GMEB1: variants seen among roughly 807,000 people sequenced by gnomAD.
GMEB1 encodes glucocorticoid modulatory element-binding protein 1.
GMEB1 carries 6 observed loss-of-function variants against 52.4 expected under a neutral mutation model. That is an observed-to-expected ratio of 0.11 (90% CI 0.06 to 0.23). The LOEUF (loss-of-function observed/expected upper bound fraction) is 0.23, where lower values mean the gene tolerates loss of function less well. GMEB1 is among the 10% of genes least tolerant of loss of function. GMEB1 has a pLI of 1.00. For synonymous variants in GMEB1, 255 were observed against 244.9 expected, an observed-to-expected ratio of 1.04 and a Z score of -0.38; for missense variants, 486 against 685.6, an observed-to-expected ratio of 0.71 and a Z score of 3.25.
chr1:28,683,787 C>G, intron 2 of GMEB1, 47 bp downstream of exon 2: 1 of 1,578,770 alleles, frequency 6.3e-7, no homozygotes, highest in Non-Finnish European at 8.7e-7. Context: ...TGGGAAGCTT[C>G]AAGGGTGGGG....
chr1:28,696,545 C>T (rs538071311), intron 5 of GMEB1, among the ~76,000 whole-genome samples: 1 of 152,108 alleles, frequency 6.6e-6, no homozygotes, highest in Non-Finnish European at 1.5e-5. Flanking sequence ...CATGGTTTTG[C>T]TCATGTCCTA....
chr1:28,706,977 GTTTT>G (rs1237383046), intron 8 of GMEB1, among the ~76,000 whole-genome samples: 2 of 82,770 alleles, frequency 2.4e-5, no homozygotes, highest in Admixed American at 3.0e-4. Context: ...TCCAGATTTG[GTTTT>G]TTTTTTTTTT....
At chr1:28,704,997 CA>C (rs1340412716) in intron 8 of GMEB1, among the ~76,000 whole-genome samples, 2 of 150,940 alleles carry the variant, frequency 1.3e-5, no homozygotes, top group Admixed American at 1.3e-4. Context: ...ATAGGAGAAT[CA>C]CTTGAGCCCA....
In GMEB1 at chr1:28,717,185, G is replaced by GTTTTTTTTT. The variant is rs71027293; in HGVS notation, c.*2420_*2428dup. 1.4e-5 allele frequency: 2 copies of GTTTTTTTTT among 139,210 alleles called. No homozygotes were observed. Among genetic ancestry groups the GTTTTTTTTT allele is most frequent in the Non-Finnish European group, 3.1e-5 (2 of 64,660 alleles). The allele number at this position is 139,210 out of a possible 1,614,324, so 8.6% of individuals were successfully genotyped here. ...AACCCTGTAACATGGTAAGGTTGCT[G>GTTTTTTTTT]TTTTTTTTTTTTTTTTCTTTTTGAG... On this transcript the variant is annotated 3_prime_UTR_variant, in exon 10 of 10. Coordinates refer to ENST00000373816, the MANE Select transcript of GMEB1 (RefSeq NM_001319674.2).
chr1:28,710,542 A>G lies in GMEB1; in HGVS notation c.891A>G (p.Val297=). The change falls in exon 9 of 10, where the codon GTA becomes GTG. Residue 297 remains valine (V), a synonymous_variant. Transcript: ENST00000373816. ...QVTDAAVLNN[V]AHTFGLMDTV... is the part of the protein sequence containing the mutation. ...TAGATGCTGCTGTTCTCAACAATGT[A>G]GCACACACATTTGGCCTAATGGACA... The G allele has an allele frequency of 6.2e-7, 1 of 1,610,028 alleles. No homozygotes were observed. Among genetic ancestry groups the G allele is most frequent in the Non-Finnish European group, 8.5e-7 (1 of 1,178,344 alleles).
chr1:28,693,658 G>C (rs977367376), intron 5 of GMEB1, among the ~76,000 whole-genome samples: 1 of 151,952 alleles, frequency 6.6e-6, no homozygotes, highest in African/African-American at 2.4e-5. Context: ...TCACCATCTC[G>C]GCCAGGCTGG....
rs1671292461 is a variant in GMEB1, at chr1:28,717,014, C to T, written c.*2241C>T. 1 of 151,444 alleles carries T rather than the reference C, an allele frequency of 6.6e-6. No individual in the cohort carries two copies. The highest frequency in any genetic ancestry group is 1.5e-5 in the Non-Finnish European group (1 of 67,890). 9.4% of individuals were successfully genotyped at this position (151,444 alleles called of 1,614,324 possible). A position where few individuals can be genotyped will look rare whatever the true frequency, so the allele number is the denominator to read the frequency against. On this transcript the variant is annotated 3_prime_UTR_variant, in exon 10 of 10. Transcript: ENST00000373816. The stretch of plus-strand genomic sequence containing the variant: ...AGGAATATTTTTATTAAAAACAAAA[C>T]TTGGACCTGTAGTTTTTTTTTTTCT...
At chr1:28,700,513 C>CAAA (rs35332797) in intron 6 of GMEB1, among the ~76,000 whole-genome samples, 1 of 82,458 alleles carries the variant, frequency 1.2e-5, no homozygotes. Flanking sequence ...GACTCCATCT[C>CAAA]AAAAAAAAAA....
At chr1:28,689,393 G>A (rs1229959304) in intron 2 of GMEB1, among the ~76,000 whole-genome samples, 3 of 151,996 alleles carry the variant, frequency 2.0e-5, no homozygotes, top group African/African-American at 4.8e-5. Context: ...TTGGGAGGCC[G>A]AGGCAGGCGG....
intron 7 of GMEB1, among the ~76,000 whole-genome samples, chr1:28,703,451 C>T (rs532251877): frequency 6.6e-6 from 1 of 152,152 alleles, no homozygotes; most frequent in Admixed American, 6.6e-5. Context: ...CACCTGAGGT[C>T]GGGAGTTCGA....
rs760828309 is a variant in GMEB1, at chr1:28,714,470, G to A, written c.1389G>A (p.Leu463=). Residue 463 remains leucine (L), a synonymous_variant, in exon 10 of 10, where the codon CTG becomes CTA. Transcript: ENST00000373816. The part of the protein sequence containing the change: ...VTIHPSSSLA[L]LSSTAMQDGS... Reference sequence around the variant, plus strand: ...TCCACCCTTCATCTAGCTTGGCGCTGCTGAGCTCTACTGCCATGCAGGATG... The same window carrying A: ...TCCACCCTTCATCTAGCTTGGCGCTACTGAGCTCTACTGCCATGCAGGATG... 1 of 1,614,216 alleles carries A rather than the reference G, an allele frequency of 6.2e-7. No individual in the cohort carries two copies. The highest frequency in any genetic ancestry group is 1.1e-5 in the South Asian group (1 of 91,084).
At chr1:28,713,161 A>C (rs1421425246) in intron 9 of GMEB1, among the ~76,000 whole-genome samples, 1 of 151,584 alleles carries the variant, frequency 6.6e-6, no homozygotes, top group Non-Finnish European at 1.5e-5. Context: ...CCATCTCAAA[A>C]AAAAAAAAAA....
chr1:28,689,121 C>T (rs915000701), intron 2 of GMEB1, among the ~76,000 whole-genome samples: 2 of 151,994 alleles, frequency 1.3e-5, no homozygotes, highest in Non-Finnish European at 2.9e-5. Flanking sequence ...AACTCCACAC[C>T]TCGTGATCCG....
chr1:28,690,181 G>T lies in GMEB1; in HGVS notation c.206G>T (p.Gly69Val). Residue 69 changes from glycine to valine, a missense_variant, in exon 3 of 10, where the codon GGG (glycine) becomes GTG (valine). By Grantham distance (109) the Gly-to-Val change is moderately radical. Coordinates refer to ENST00000373816, the MANE Select transcript of GMEB1 (RefSeq NM_001319674.2). ...CACACGATACACAAAATTGAAGAAG[G>T]GATTGGTAAGGGTTTTTTTGTGTTT... ...ETHTIHKIEE[G>V]IDTGTIEANE... 1 of 1,380,048 alleles carries T rather than the reference G, an allele frequency of 7.2e-7. No individual in the cohort carries two copies. The highest frequency in any genetic ancestry group is 1.0e-6 in the Non-Finnish European group (1 of 990,770). The allele number at this position is 1,380,048 out of a possible 1,614,324, so 85.5% of individuals were successfully genotyped here.
chr1:28,688,344 G>C (rs1669789837), intron 2 of GMEB1, among the ~76,000 whole-genome samples: 1 of 152,188 alleles, frequency 6.6e-6, no homozygotes, highest in Non-Finnish European at 1.5e-5. Context: ...GTTTGAATGT[G>C]AAATTCAGAA....
intron 1 of GMEB1, among the ~76,000 whole-genome samples, chr1:28,678,712 G>C (rs1052042982): frequency 5.3e-5 from 8 of 152,088 alleles, no homozygotes; most frequent in Admixed American, 3.9e-4. Context: ...TCTGCCTCCT[G>C]AGTGGCTGGG....
intron 9 of GMEB1, among the ~76,000 whole-genome samples, chr1:28,711,706 C>T (rs1671069714): frequency 6.6e-6 from 1 of 152,216 alleles, no homozygotes; most frequent in South Asian, 2.1e-4. Context: ...CCACCCACCT[C>T]AGCCTCCCAA....
chr1:28,688,112 C>T (rs144832603), intron 2 of GMEB1, among the ~76,000 whole-genome samples: 406 of 152,154 alleles, frequency 2.7e-3, no homozygotes, highest in African/African-American at 9.2e-3. Context: ...TGGAGAAACC[C>T]CATCTCTACT....
At chr1:28,686,278 C>T (rs1157820514) in intron 2 of GMEB1, among the ~76,000 whole-genome samples, 1 of 151,992 alleles carries the variant, frequency 6.6e-6, no homozygotes, top group Non-Finnish European at 1.5e-5. Context: ...GAGATTGAGG[C>T]TGCAGTGAGC....
Sources: allele counts gnomAD v4.1 joint callset (sites outside exome capture counted in the v4.1 genomes callset), GRCh38; gene constraint gnomAD v4.1.1; transcripts MANE v1.5; gene names NCBI Gene and HGNC (gene_info 2026-07-23, HGNC 2026-07-21).